PIP4K2B: variants seen among roughly 807,000 people sequenced by gnomAD.
The protein encoded by PIP4K2B is phosphatidylinositol 5-phosphate 4-kinase type-2 beta.
A neutral mutation model predicts 42.0 loss-of-function variants in PIP4K2B; 3 were observed. That is an observed-to-expected ratio of 0.07 (90% CI 0.03 to 0.18). The LOEUF (loss-of-function observed/expected upper bound fraction) is 0.18, where lower values mean the gene tolerates loss of function less well. PIP4K2B is among the 10% of genes least tolerant of loss of function. The probability of loss-of-function intolerance (pLI) is 1.00; values close to 1 mark genes in which losing one functional copy is unlikely to be tolerated. For missense variants in PIP4K2B, 332 were observed against 562.3 expected (o/e 0.59, Z 4.14); for synonymous variants, 204 against 210.1 (o/e 0.97, Z 0.25).
Position 38,778,917 on chromosome 17 carries a change from G to A in PIP4K2B, c.654+466C>T, listed in dbSNP as rs116098418. Among the ~76,000 whole-genome samples the A allele has an allele frequency of 4.2e-3, 634 of 152,272 alleles. 7 individuals are homozygous for A. Among genetic ancestry groups the A allele is most frequent in the African/African-American group, 0.015 (604 of 41,536 alleles). ...GGGAAGAGGAGCACAGGCACTGCAGGAACACAGAGGAAACCAGCCCAGTTG... is the reference window on the plus strand; with the variant it reads ...GGGAAGAGGAGCACAGGCACTGCAGAAACACAGAGGAAACCAGCCCAGTTG... On this transcript the variant is annotated intron_variant, in intron 5 of 9. Transcript: ENST00000619039.
In PIP4K2B at chr17:38,777,714, G is replaced by A. The variant is rs768640134; in HGVS notation, c.780C>T (p.Phe260=). 1.9e-6 allele frequency: 3 copies of A among 1,613,648 alleles called. No homozygotes were observed. The highest frequency in any genetic ancestry group is 1.1e-5 in the South Asian group (1 of 91,066). ...CAACGTCCCGCTTCAGTTTCTCCAG[G>A]AAGTTCTTTTTACTCTCCTCTCCCA... The part of the protein sequence containing the change: ...LHVGEESKKN[F]LEKLKRDVEF... The change falls in exon 7 of 10, where the codon TTC becomes TTT. Residue 260 remains phenylalanine (F), a synonymous_variant. Transcript: ENST00000619039.
intron 1 of PIP4K2B, among the ~76,000 whole-genome samples, chr17:38,796,128 A>T (rs949073021): frequency 6.6e-6 from 1 of 152,130 alleles, no homozygotes; most frequent in Admixed American, 6.5e-5. Context: ...ACGGAGTGAG[A>T]CTCCATCACA....
chr17:38,783,033 G>A (rs987780542), intron 3 of PIP4K2B, among the ~76,000 whole-genome samples: 9 of 151,124 alleles, frequency 6.0e-5, no homozygotes, highest in Non-Finnish European at 8.9e-5. Flanking sequence ...TAAAAAAAAA[G>A]AAATGCAAAA....
chr17:38,795,099 C>CAAAAAAAAAAAAAAAAAAAAAAAAAA (rs61707682), intron 1 of PIP4K2B, among the ~76,000 whole-genome samples: 1 of 41,498 alleles, frequency 2.4e-5, no homozygotes, highest in Non-Finnish European at 4.4e-5. Flanking sequence ...AACTCCATCT[C>CAAAAAAAAAAAAAAAAAAAAAAAAAA]AAAAAAAAAA....
chr17:38,797,439 G>C (rs958833388), intron 1 of PIP4K2B, among the ~76,000 whole-genome samples: 2 of 152,092 alleles, frequency 1.3e-5, no homozygotes, highest in African/African-American at 4.8e-5. Flanking sequence ...TGAGGGAGAG[G>C]AAAAGAAACA....
intron 7 of PIP4K2B, among the ~76,000 whole-genome samples, chr17:38,771,976 G>A (rs1200042580): frequency 6.6e-6 from 1 of 152,194 alleles, no homozygotes; most frequent in East Asian, 1.9e-4. Flanking sequence ...GCTGCAGTAA[G>A]CTATGACGGC....
chr17:38,783,686 C>A (rs555604982), intron 3 of PIP4K2B, among the ~76,000 whole-genome samples: 1 of 152,046 alleles, frequency 6.6e-6, no homozygotes, highest in African/African-American at 2.4e-5. Context: ...CTGCAACCTC[C>A]GCCTCCCAGG....
intron 1 of PIP4K2B, among the ~76,000 whole-genome samples, chr17:38,797,929 C>T (rs1402500211): frequency 8.5e-5 from 13 of 152,154 alleles, no homozygotes; most frequent in Admixed American, 8.5e-4. Context: ...TGGCAGGACC[C>T]TCACTAACAC....
At chr17:38,798,740 G>A (rs1051439973) in intron 1 of PIP4K2B, among the ~76,000 whole-genome samples, 2 of 152,176 alleles carry the variant, frequency 1.3e-5, no homozygotes, top group Non-Finnish European at 2.9e-5. Context: ...GGAAAAAAAA[G>A]GAAACCCAGG....
intron 7 of PIP4K2B, among the ~76,000 whole-genome samples, chr17:38,774,930 T>C (rs1909246816): frequency 6.6e-6 from 1 of 150,748 alleles, no homozygotes; most frequent in Non-Finnish European, 1.5e-5. Flanking sequence ...AATGGAATAT[T>C]AATCAGTTTT....
rs1910713313 is a variant in PIP4K2B at position 38,797,448 on chromosome 17, C to A, written c.159+1818G>T. Among the ~76,000 whole-genome samples, 4 of 152,172 alleles carry A rather than the reference C, an allele frequency of 2.6e-5. No individual in the cohort carries two copies. In the South Asian group the frequency reaches 8.3e-4, roughly 31 times the overall value. ...CTTGGCTGAGGGAGAGGAAAAGAAA[C>A]AGGAGGCAAAGAAAACAAGACCAGC... On this transcript the variant is annotated intron_variant, in intron 1 of 9. Coordinates refer to ENST00000619039, the MANE Select transcript of PIP4K2B (RefSeq NM_003559.5).
intron 7 of PIP4K2B, among the ~76,000 whole-genome samples, chr17:38,775,843 C>T (rs907367106): frequency 5.9e-5 from 9 of 151,854 alleles, no homozygotes; most frequent in East Asian, 2.0e-4. Flanking sequence ...GGCAACAGAG[C>T]GAGACTCTGT....
chr17:38,799,349 T>G lies in PIP4K2B; in HGVS notation c.76A>C (p.Lys26Gln), dbSNP rs1170893211. The change falls in exon 1 of 10, where the codon AAG becomes CAG. Residue 26 changes from lysine to glutamine, a missense_variant. Around this residue, in one of 6 missense-constraint regions of PIP4K2B, gnomAD observed 186 missense variants for 288.4 expected, o/e 0.64. Transcript: ENST00000619039. This position sits in a 1 kb window ranked among gnomAD's most constrained non-coding sequence, Gnocchi z 4.4. ...TTCACTTTCTGGCACACGAAATGCT[T>G]CTTCTTGGTCTTGGTCTTGCTGGCG... ...LSASKTKTKK[K>Q]HFVCQKVKLF... is the part of the protein sequence containing the mutation. The G allele has an allele frequency of 6.2e-7, 1 of 1,609,282 alleles. No homozygotes were observed. Among genetic ancestry groups the G allele is most frequent in the South Asian group, 1.1e-5 (1 of 90,572 alleles).
At chr17:38,776,627 T>TA (rs201362879) in intron 7 of PIP4K2B, 546 of 424,490 alleles carry the variant, frequency 1.3e-3, no homozygotes, top group Middle Eastern at 2.8e-3. Flanking sequence ...GAGAATCTCC[T>TA]AAAAAAAAAC....
chr17:38,777,677 T>C lies in PIP4K2B; in HGVS notation c.807+10A>G, dbSNP rs1180002723. On this transcript the variant is annotated intron_variant, in intron 7 of 9. Coordinates refer to ENST00000619039, the MANE Select transcript of PIP4K2B (RefSeq NM_003559.5). ...GAGCCTTGCAGGTGAAAATGAAGGT[T>C]AGTAAGTACCTCAACGTCCCGCTTC... The C allele has an allele frequency of 6.4e-7, 1 of 1,564,958 alleles. No individual in the cohort carries two copies. The highest frequency in any genetic ancestry group is 1.7e-5 in the Admixed American group (1 of 59,960).
At position 38,780,592 on chromosome 17, in the gene PIP4K2B, G is replaced by T; in HGVS notation, c.367C>A (p.Arg123Ser). The T allele has an allele frequency of 6.2e-7, 1 of 1,611,502 alleles. No homozygotes were observed. The highest frequency in any genetic ancestry group is 8.5e-7 in the Non-Finnish European group (1 of 1,177,878). Residue 123 changes from arginine to serine, a missense_variant, in exon 4 of 10, where the codon CGC becomes AGC. By Grantham distance (110) the Arg-to-Ser change is moderately radical (BLOSUM62 -1). Around this residue, in one of 6 missense-constraint regions of PIP4K2B, gnomAD observed 186 missense variants for 288.4 expected, o/e 0.64. Coordinates refer to ENST00000619039, the MANE Select transcript of PIP4K2B (RefSeq NM_003559.5). ...DDQDYQNSVTRSAPINSDSQG... is the reference protein window; with the variant it reads ...DDQDYQNSVTSSAPINSDSQG... Reference sequence around the variant, plus strand: ...CTGTCACTGTTGATGGGGGCGCTGCGCGTCACTGAATTCTGATAATCGAGA... The same window carrying T: ...CTGTCACTGTTGATGGGGGCGCTGCTCGTCACTGAATTCTGATAATCGAGA...
intron 3 of PIP4K2B, among the ~76,000 whole-genome samples, chr17:38,782,980 G>A (rs1909790705): frequency 1.3e-5 from 2 of 151,914 alleles, no homozygotes; most frequent in Non-Finnish European, 1.5e-5. Flanking sequence ...AAGGTCAGGA[G>A]ATCGAAACCA....
intron 1 of PIP4K2B, among the ~76,000 whole-genome samples, chr17:38,791,994 G>A (rs228242): frequency 0.2 from 30,411 of 151,618 alleles, 3,220 homozygotes; most frequent in Admixed American, 0.28. Context: ...TACTCGGGAG[G>A]CTGAGGCAGG....
At chr17:38,776,182 C>T (rs1909332901) in intron 7 of PIP4K2B, 2 of 342,676 alleles carry the variant, frequency 5.8e-6, no homozygotes, top group African/African-American at 2.2e-5. Context: ...GTTGGTCAGG[C>T]TGGTCTCAAA....
Sources: gnomAD v4.1 joint callset for allele counts (sites outside exome capture counted in the v4.1 genomes callset) on GRCh38, gnomAD v4.1.1 for gene constraint, gnomAD v4.1.1 regional missense constraint, Gnocchi (gnomAD v3.1) non-coding constraint, MANE v1.5 for transcripts, NCBI Gene and HGNC (gene_info 2026-07-23, HGNC 2026-07-21) for gene names.